Variants in PAPOLA observed in about 807,000 individuals in gnomAD.
The protein encoded by PAPOLA is polynucleotide adenylyltransferase alpha.
PAPOLA carries 15 observed loss-of-function variants against 100.6 expected under a neutral mutation model. That is an observed-to-expected ratio of 0.15 (90% CI 0.10 to 0.23). PAPOLA has a LOEUF of 0.23. PAPOLA is among the 10% of genes least tolerant of loss of function. The probability of loss-of-function intolerance (pLI) is 1.00; values close to 1 mark genes in which losing one functional copy is unlikely to be tolerated. For synonymous variants in PAPOLA, 293 were observed against 300.0 expected, an observed-to-expected ratio of 0.98 and a Z score of 0.24; for missense variants, 533 against 884.2, an observed-to-expected ratio of 0.60 and a Z score of 5.04.
chr14:96,529,675 TC>T (rs1898816532), intron 6 of PAPOLA, among the ~76,000 whole-genome samples: 1 of 151,860 alleles, frequency 6.6e-6, no homozygotes, highest in South Asian at 2.1e-4. Flanking sequence ...TGATCCAAGA[TC>T]CTGCCACTGC....
At chr14:96,535,810 A>G in intron 10 of PAPOLA, 69 bp from the exon 11 acceptor site, 9 of 1,300,744 alleles carry the variant, frequency 6.9e-6, no homozygotes, top group Non-Finnish European at 9.1e-6. Context: ...CAGTTTAACA[A>G]GGGGTAAAAA....
chr14:96,542,271 C>T lies in PAPOLA; in HGVS notation c.1144C>T (p.Pro382Ser), dbSNP rs893882549. 6.2e-7 allele frequency: 1 copy of T among 1,602,366 alleles called. No individual in the cohort carries two copies. The stretch of plus-strand genomic sequence containing the variant: ...TTATATTGTACTTCTAGCAAGTGCA[C>T]CAACAGAAAAACAACGCCTGGAATG... ...KHYIVLLASAPTEKQRLEWVG... is the reference protein window; with the variant it reads ...KHYIVLLASASTEKQRLEWVG... The change falls in exon 13 of 22, where the codon CCA becomes TCA. Residue 382 changes from proline to serine, a missense_variant. Pro to Ser is a moderately conservative substitution (Grantham distance 74). Transcript: ENST00000216277.
intron 1 of PAPOLA, among the ~76,000 whole-genome samples, chr14:96,518,962 C>T (rs969130741): frequency 6.6e-6 from 1 of 152,050 alleles, no homozygotes; most frequent in Non-Finnish European, 1.5e-5. Context: ...GAGGCTGAGG[C>T]AGGAGAATCG....
At chr14:96,511,589 T>C (rs78408827) in intron 1 of PAPOLA, among the ~76,000 whole-genome samples, 3,393 of 152,312 alleles carry the variant, frequency 0.022, 125 homozygotes, top group African/African-American at 0.077. Context: ...ATGGTTTTTT[T>C]CCCAAACTTC....
intron 1 of PAPOLA, among the ~76,000 whole-genome samples, chr14:96,507,305 T>TTTTTTTTTTTTTG (rs59549622): frequency 1.0e-5 from 1 of 99,146 alleles, no homozygotes; most frequent in Admixed American, 1.1e-4. Flanking sequence ...TTTTTTTTTT[T>TTTTTTTTTTTTTG]GAGACGGAGT....
At chr14:96,520,034 T>A in intron 1 of PAPOLA, 21 bp from the exon 2 acceptor site, 1 of 1,568,834 alleles carries the variant, frequency 6.4e-7, no homozygotes, top group Non-Finnish European at 8.6e-7. Context: ...TGGCAGTAAT[T>A]GTATCCAATT....
At chr14:96,512,605 T>A (rs1225856719) in intron 1 of PAPOLA, among the ~76,000 whole-genome samples, 1 of 152,218 alleles carries the variant, frequency 6.6e-6, no homozygotes, top group Non-Finnish European at 1.5e-5. Flanking sequence ...ATGTTGAAAT[T>A]TCAGTAGATG....
chr14:96,565,772 T>G lies in PAPOLA; in HGVS notation c.*722T>G. 1 of 398,322 alleles carries G rather than the reference T, an allele frequency of 2.5e-6. No individual in the cohort carries two copies. The highest frequency in any genetic ancestry group is 4.4e-6 in the Non-Finnish European group (1 of 225,782). The allele number at this position is 398,322 out of a possible 1,614,324, so 24.7% of individuals were successfully genotyped here. ...TCAGCGATCAGCCAGCAAATATTTT[T>G]CTTTGAGCTTGTGAAAGCTCTGTGT... On this transcript the variant is annotated 3_prime_UTR_variant, in exon 22 of 22. Transcript: ENST00000216277.
intron 1 of PAPOLA, among the ~76,000 whole-genome samples, chr14:96,517,552 T>C (rs901542757): frequency 6.6e-6 from 1 of 152,112 alleles, no homozygotes; most frequent in African/African-American, 2.4e-5. Flanking sequence ...GTCAGTGATA[T>C]CTCAATAAAA....
Position 96,531,580 on chromosome 14 carries a change from C to T in PAPOLA, c.601C>T (p.Leu201Phe), listed in dbSNP as rs1023729588. The change falls in exon 7 of 22, where the codon CTT becomes TTT. Residue 201 changes from leucine to phenylalanine, a missense_variant. Leu to Phe is a conservative substitution (Grantham distance 22). Transcript: ENST00000216277. Reference sequence around the variant, plus strand: ...TTTAGATATAAGATGTATAAGAAGTCTTAACGGTATGAGAAAGCCTACTTC... The same window carrying T: ...TTTAGATATAAGATGTATAAGAAGTTTTAACGGTATGAGAAAGCCTACTTC... Reference protein sequence around the residue: ...KNLDIRCIRSLNGCRVTDEIL... With the variant: ...KNLDIRCIRSFNGCRVTDEIL... The T allele has an allele frequency of 6.2e-7, 1 of 1,602,778 alleles. No homozygotes were observed. Among genetic ancestry groups the T allele is most frequent in the Non-Finnish European group, 8.5e-7 (1 of 1,173,106 alleles).
At chr14:96,558,416 A>G (rs1165679050) in intron 19 of PAPOLA, among the ~76,000 whole-genome samples, 1 of 152,144 alleles carries the variant, frequency 6.6e-6, no homozygotes, top group Non-Finnish European at 1.5e-5. Flanking sequence ...TATGCATTTA[A>G]CATTTGGTTT....
At chr14:96,547,247 T>C (rs2140311837) in intron 15 of PAPOLA, among the ~76,000 whole-genome samples, 1 of 152,268 alleles carries the variant, frequency 6.6e-6, no homozygotes, top group South Asian at 2.1e-4. Flanking sequence ...TGGGGCCCTC[T>C]GGATCTAAAT....
intron 5 of PAPOLA, 91 bp from the exon 6 acceptor site, chr14:96,527,862 T>C (rs1292409946): frequency 5.8e-6 from 5 of 859,582 alleles, no homozygotes; most frequent in Non-Finnish European, 1.0e-5. Context: ...AGCTAGCTAT[T>C]TTTGTGTCAG....
At chr14:96,540,495 G>A (rs1256662887) in intron 12 of PAPOLA, among the ~76,000 whole-genome samples, 1 of 149,592 alleles carries the variant, frequency 6.7e-6, no homozygotes, top group African/African-American at 2.5e-5. Flanking sequence ...TTAGGATTTT[G>A]TTTGATTTAA....
intron 1 of PAPOLA, among the ~76,000 whole-genome samples, chr14:96,514,564 C>T (rs1338550760): frequency 6.6e-6 from 1 of 152,208 alleles, no homozygotes; most frequent in Non-Finnish European, 1.5e-5. Flanking sequence ...GAATGTCTAA[C>T]CTTTTGAAAC....
intron 7 of PAPOLA, 65 bp from the exon 8 acceptor site, chr14:96,532,266 T>TTTTTG (rs530933490): frequency 9.1e-5 from 136 of 1,494,294 alleles, no homozygotes; most frequent in Middle Eastern, 4.0e-4. Context: ...ATGTTGTTTT[T>TTTTTG]TTTTGTTTTG....
At chr14:96,553,245 A>T (rs550814852) in intron 17 of PAPOLA, 11 of 152,532 alleles carry the variant, frequency 7.2e-5, no homozygotes, top group Admixed American at 2.0e-4. Flanking sequence ...AGGTGCAGTG[A>T]CTCACACCTG....
intron 4 of PAPOLA, among the ~76,000 whole-genome samples, chr14:96,525,828 A>G (rs1595519713): frequency 2.0e-5 from 3 of 152,236 alleles, no homozygotes; most frequent in South Asian, 2.1e-4. Flanking sequence ...CAGTAGCCAC[A>G]TATGGCTAGT....
At chr14:96,535,326 C>CT in intron 10 of PAPOLA, 4 of 984,922 alleles carry the variant, frequency 4.1e-6, no homozygotes, top group Non-Finnish European at 4.8e-6. Flanking sequence ...GAATTTACAA[C>CT]TTACTTTGTG....
Sources: allele counts gnomAD v4.1 joint callset (sites outside exome capture counted in the v4.1 genomes callset), GRCh38; gene constraint gnomAD v4.1.1; transcripts MANE v1.5; gene names NCBI Gene and HGNC (gene_info 2026-07-23, HGNC 2026-07-21).